The following LMBR1 variants were observed in gnomAD, a reference collection of about 807,000 sequenced individuals.
LMBR1 encodes limb region 1 protein homolog.
Under a neutral mutation model 73.9 loss-of-function variants are expected in LMBR1, and 52 were observed. That is an observed-to-expected ratio of 0.70 (90% CI 0.56 to 0.89). The LOEUF (loss-of-function observed/expected upper bound fraction) is 0.89, where lower values mean the gene tolerates loss of function less well. LMBR1 is among the 40% of genes least tolerant of loss of function. The pLI, the probability that LMBR1 is intolerant of heterozygous loss-of-function variation, is 0.00. For missense variants in LMBR1, 539 were observed against 579.8 expected (o/e 0.93, Z 0.72); for synonymous variants, 215 against 209.4 (o/e 1.03, Z -0.23).
At chr7:156,866,990 T>A (rs117703577) in intron 1 of LMBR1, among the ~76,000 whole-genome samples, 7 of 146,190 alleles carry the variant, frequency 4.8e-5, no homozygotes, top group African/African-American at 1.7e-4. Flanking sequence ...GGTTCCACTT[T>A]GTTTGGGTCG....
intron 5 of LMBR1, among the ~76,000 whole-genome samples, chr7:156,778,009 C>T (rs915677051): frequency 3.3e-5 from 5 of 152,302 alleles, no homozygotes; most frequent in Middle Eastern, 3.4e-3. Context: ...TCTTTTCCTA[C>T]TGCCACCATA....
chr7:156,880,570 A>G (rs1397485684), intron 1 of LMBR1, among the ~76,000 whole-genome samples: 1 of 152,204 alleles, frequency 6.6e-6, no homozygotes, highest in African/African-American at 2.4e-5. Context: ...CCCTATGTTC[A>G]TGGATTGGAA....
At chr7:156,723,773 C>T (rs1815121579) in intron 15 of LMBR1, among the ~76,000 whole-genome samples, 1 of 151,990 alleles carries the variant, frequency 6.6e-6, no homozygotes, top group Admixed American at 6.6e-5. Flanking sequence ...CGCTCAAAAG[C>T]TTTTAAATAG....
intron 15 of LMBR1, among the ~76,000 whole-genome samples, chr7:156,704,441 G>A (rs1478582295): frequency 6.6e-6 from 1 of 151,698 alleles, no homozygotes; most frequent in African/African-American, 2.4e-5. Context: ...ACATAGTCAA[G>A]AAAAAAAGTC....
intron 1 of LMBR1, among the ~76,000 whole-genome samples, chr7:156,840,104 T>C (rs968557552): frequency 2.0e-5 from 3 of 152,236 alleles, no homozygotes; most frequent in African/African-American, 7.2e-5. Context: ...GAGGCTGATT[T>C]AAATTCATTC....
chr7:156,796,698 A>G (rs1187347798), intron 4 of LMBR1, among the ~76,000 whole-genome samples: 1 of 152,188 alleles, frequency 6.6e-6, no homozygotes, highest in Non-Finnish European at 1.5e-5. Flanking sequence ...TCAGTATAGA[A>G]ACTAATGTTT....
rs772033218 is a variant in LMBR1 at position 156,688,045 on chromosome 7, G to T, written c.1372C>A (p.Leu458Ile). The T allele has an allele frequency of 6.2e-7, 1 of 1,605,340 alleles. No homozygotes were observed. Among genetic ancestry groups the T allele is most frequent in the Non-Finnish European group, 8.5e-7 (1 of 1,177,560 alleles). Residue 458 changes from leucine to isoleucine, a missense_variant, in exon 16 of 17, where the codon CTT becomes ATT. Leu to Ile is a conservative substitution (Grantham distance 5). Around this residue, in one of 3 missense-constraint regions of LMBR1, gnomAD observed 69 missense variants for 68.5 expected, o/e 1.01. Transcript: ENST00000353442. ...RKFTSAVREE[L>I]FKALGLHKLH... ...TCAGGATTACCTAGGGCCTTGAAAA[G>T]TTCTTCTCGAACTGCAGAGGTGAAT...
chr7:156,867,826 T>C (rs1346219208), intron 1 of LMBR1, among the ~76,000 whole-genome samples: 1 of 152,166 alleles, frequency 6.6e-6, no homozygotes, highest in East Asian at 1.9e-4. Flanking sequence ...GTCTCTGAGA[T>C]AATGAAAATG....
chr7:156,746,129 T>G (rs1034199214), intron 9 of LMBR1, among the ~76,000 whole-genome samples: 10 of 152,238 alleles, frequency 6.6e-5, no homozygotes, highest in African/African-American at 2.4e-4. Context: ...AATCAAAGTT[T>G]AAACTACATA....
At chr7:156,870,445 T>A (rs1057465771) in intron 1 of LMBR1, among the ~76,000 whole-genome samples, 1 of 151,908 alleles carries the variant, frequency 6.6e-6, no homozygotes, top group Non-Finnish European at 1.5e-5. Context: ...ACCCACTGGA[T>A]TGAAAAAGAA....
At chr7:156,769,341 G>C (rs1824743294) in intron 5 of LMBR1, among the ~76,000 whole-genome samples, 1 of 152,070 alleles carries the variant, frequency 6.6e-6, no homozygotes, top group Admixed American at 6.6e-5. Context: ...ACATTCCTTC[G>C]TCTTACAACA....
chr7:156,712,564 T>C (rs1337954492), intron 15 of LMBR1, among the ~76,000 whole-genome samples: 1 of 152,194 alleles, frequency 6.6e-6, no homozygotes, highest in East Asian at 1.9e-4. Context: ...CCTGCACTCA[T>C]ATGTTTATAG....
At chr7:156,754,142 G>A (rs766711648) in intron 9 of LMBR1, among the ~76,000 whole-genome samples, 2 of 152,128 alleles carry the variant, frequency 1.3e-5, no homozygotes, top group Non-Finnish European at 2.9e-5. Flanking sequence ...CATTATCACA[G>A]CACACAGCTT....
downstream of LMBR1, chr7:156,676,489 T>C: frequency 6.2e-7 from 1 of 1,614,048 alleles, no homozygotes; most frequent in Non-Finnish European, 8.5e-7. Context: ...GGTCAGCGCG[T>C]GGGTGCAGGC....
At chr7:156,698,617 G>T (rs1404420168) in intron 15 of LMBR1, among the ~76,000 whole-genome samples, 2 of 152,190 alleles carry the variant, frequency 1.3e-5, no homozygotes, top group African/African-American at 4.8e-5. Flanking sequence ...AACAGCCCAA[G>T]CTGTACCCTG....
intron 4 of LMBR1, among the ~76,000 whole-genome samples, chr7:156,806,598 C>CTTTTTTTTTTTTTTTT (rs71189962): frequency 2.2e-5 from 1 of 44,672 alleles, no homozygotes. Flanking sequence ...TTTGTAGATG[C>CTTTTTTTTTTTTTTTT]TTTTTTTTTT....
At chr7:156,764,928 C>A in intron 5 of LMBR1, among the ~76,000 whole-genome samples, 1 of 152,180 alleles carries the variant, frequency 6.6e-6, no homozygotes, top group Non-Finnish European at 1.5e-5. Flanking sequence ...CGCAGACTTA[C>A]CACAAGGCTG....
chr7:156,697,945 T>C (rs139346886), intron 15 of LMBR1, among the ~76,000 whole-genome samples: 2 of 151,814 alleles, frequency 1.3e-5, no homozygotes, highest in East Asian at 3.9e-4. Context: ...AATGAGATCT[T>C]CACAATTTAT....
chr7:156,854,673 G>A (rs559540815), intron 1 of LMBR1, among the ~76,000 whole-genome samples: 1 of 152,284 alleles, frequency 6.6e-6, no homozygotes, highest in East Asian at 1.9e-4. Context: ...AAGGAAGGAG[G>A]TCAAAAGCCG....
Sources: gnomAD v4.1 joint callset for allele counts (sites outside exome capture counted in the v4.1 genomes callset) on GRCh38, gnomAD v4.1.1 for gene constraint, gnomAD v4.1.1 regional missense constraint, MANE v1.5 for transcripts, NCBI Gene and HGNC (gene_info 2026-07-23, HGNC 2026-07-21) for gene names.